The following PRKG1 variants were observed in gnomAD, a reference collection of about 807,000 sequenced individuals.
The protein encoded by PRKG1 is protein kinase cGMP-dependent 1.
Under a neutral mutation model 88.1 loss-of-function variants are expected in PRKG1, and 35 were observed. The ratio of observed to expected loss-of-function variants is 0.40; its 90% CI spans 0.30 to 0.53. The LOEUF is 0.53. Among genes scored for constraint, PRKG1 ranks in the 20% least tolerant of loss-of-function variants. The pLI is 0.59. For missense variants in PRKG1, 540 were observed against 839.8 expected (o/e 0.64, Z 4.41); for synonymous variants, 303 against 292.5 (o/e 1.04, Z -0.37).
At chr10:51,022,328 C>A (rs1475356552) in intron 1 of PRKG1, among the ~76,000 whole-genome samples, 1 of 152,274 alleles carries the variant, frequency 6.6e-6, no homozygotes, top group East Asian at 1.9e-4. Context: ...AGGCTGGAGC[C>A]CCCTGTGTCT....
At chr10:52,249,821 C>T (rs754092095) in intron 9 of PRKG1, among the ~76,000 whole-genome samples, 1 of 150,122 alleles carries the variant, frequency 6.7e-6, no homozygotes, top group African/African-American at 2.4e-5. Context: ...CACAGCAAGA[C>T]TCTGTCTAAA....
At chr10:51,658,486 C>T (rs1840216889) in intron 3 of PRKG1, among the ~76,000 whole-genome samples, 2 of 151,948 alleles carry the variant, frequency 1.3e-5, no homozygotes, top group South Asian at 4.2e-4. Context: ...AGTAGCCCAA[C>T]AAACATGTCA....
intron 3 of PRKG1, among the ~76,000 whole-genome samples, chr10:51,504,689 C>G (rs2132048290): frequency 6.6e-6 from 1 of 152,194 alleles, no homozygotes; most frequent in Admixed American, 6.5e-5. Context: ...TCCTTCATGT[C>G]CCTTGGAAGT....
chr10:52,016,994 A>G (rs1018574336), intron 5 of PRKG1, among the ~76,000 whole-genome samples: 1 of 152,134 alleles, frequency 6.6e-6, no homozygotes, highest in Admixed American at 6.6e-5. Flanking sequence ...GAGAGAGAGC[A>G]TAGTAGACAA....
At chr10:51,671,925 A>C (rs1840591204) in intron 3 of PRKG1, among the ~76,000 whole-genome samples, 1 of 152,112 alleles carries the variant, frequency 6.6e-6, no homozygotes, top group Non-Finnish European at 1.5e-5. Context: ...TTCTTGATTT[A>C]ACTAATTATA....
intron 9 of PRKG1, among the ~76,000 whole-genome samples, chr10:52,185,971 T>G (rs1309888513): frequency 2.0e-5 from 3 of 152,140 alleles, no homozygotes; most frequent in Admixed American, 6.5e-5. Context: ...GGGCCTGTGA[T>G]GGGAGGGGCT....
intron 5 of PRKG1, among the ~76,000 whole-genome samples, chr10:51,996,154 A>C (rs978444614): frequency 6.6e-6 from 1 of 151,888 alleles, no homozygotes; most frequent in African/African-American, 2.4e-5. Context: ...CTACTAAAAA[A>C]TACAAAAAAT....
At chr10:51,097,069 T>C (rs1844547590) in intron 1 of PRKG1, among the ~76,000 whole-genome samples, 1 of 152,188 alleles carries the variant, frequency 6.6e-6, no homozygotes, top group Non-Finnish European at 1.5e-5. Flanking sequence ...ATGTTAGGTC[T>C]CAGCCTAGCA....
intron 1 of PRKG1, among the ~76,000 whole-genome samples, chr10:51,046,773 G>A (rs1273947177): frequency 1.3e-5 from 2 of 152,156 alleles, no homozygotes; most frequent in African/African-American, 4.8e-5. Flanking sequence ...CTGCTATTAG[G>A]CATGATGGAG....
intron 7 of PRKG1, among the ~76,000 whole-genome samples, chr10:52,082,778 G>A (rs1023114826): frequency 2.6e-5 from 4 of 151,988 alleles, no homozygotes; most frequent in Non-Finnish European, 4.4e-5. Context: ...TTTTACATTA[G>A]GGGTATTTAG....
intron 5 of PRKG1, among the ~76,000 whole-genome samples, chr10:52,037,577 T>C (rs941869145): frequency 6.6e-6 from 1 of 152,092 alleles, no homozygotes; most frequent in Non-Finnish European, 1.5e-5. Flanking sequence ...TTATATTTGA[T>C]GAAAAAGAGC....
At chr10:51,915,122 T>C (rs1842309750) in intron 5 of PRKG1, among the ~76,000 whole-genome samples, 1 of 152,224 alleles carries the variant, frequency 6.6e-6, no homozygotes, top group Non-Finnish European at 1.5e-5. Flanking sequence ...TCAGTTTTAC[T>C]GTCCTGTGTT....
intron 3 of PRKG1, among the ~76,000 whole-genome samples, chr10:51,542,944 A>G (rs1318240868): frequency 6.6e-6 from 1 of 152,200 alleles, no homozygotes; most frequent in Non-Finnish European, 1.5e-5. Context: ...ATGACAACAT[A>G]GGAACGTGGG....
At chr10:51,258,106 G>A (rs1015532165) in intron 2 of PRKG1, among the ~76,000 whole-genome samples, 4 of 152,096 alleles carry the variant, frequency 2.6e-5, no homozygotes, top group Non-Finnish European at 5.9e-5. Context: ...AAGCACAGAC[G>A]GGAGCTAATC....
intron 4 of PRKG1, among the ~76,000 whole-genome samples, chr10:51,844,247 C>T (rs745440898): frequency 2.6e-5 from 4 of 152,008 alleles, no homozygotes; most frequent in African/African-American, 4.8e-5. Context: ...GACTATTAAA[C>T]GTACTTGATG....
intron 5 of PRKG1, among the ~76,000 whole-genome samples, chr10:51,989,907 CTTAAG>C (rs1301686926): frequency 6.6e-6 from 1 of 152,066 alleles, no homozygotes; most frequent in Non-Finnish European, 1.5e-5. Flanking sequence ...GACTTTCTCT[CTTAAG>C]TTTTCTTATA....
chr10:51,962,159 T>C (rs1186095788), intron 5 of PRKG1, among the ~76,000 whole-genome samples: 1 of 152,030 alleles, frequency 6.6e-6, no homozygotes, highest in African/African-American at 2.4e-5. Flanking sequence ...AGGAAGGAGC[T>C]CGGGAAGAAT....
intron 5 of PRKG1, among the ~76,000 whole-genome samples, chr10:52,026,614 A>AT (rs1236479302): frequency 6.6e-6 from 1 of 152,232 alleles, no homozygotes; most frequent in Non-Finnish European, 1.5e-5. Context: ...TGATGAAAAG[A>AT]TTCTTAAATT....
At chr10:51,336,886 C>G (rs1417726175) in intron 2 of PRKG1, among the ~76,000 whole-genome samples, 11 of 152,188 alleles carry the variant, frequency 7.2e-5, no homozygotes, top group Admixed American at 3.9e-4. Flanking sequence ...CACTGACATT[C>G]TTCGAAGAAT....
Sources: allele counts gnomAD v4.1 joint callset (sites outside exome capture counted in the v4.1 genomes callset), GRCh38; gene constraint gnomAD v4.1.1; transcripts MANE v1.5; gene names NCBI Gene and HGNC (gene_info 2026-07-23, HGNC 2026-07-21).